ATG13: variants seen among roughly 807,000 people sequenced by gnomAD.
ATG13 encodes autophagy-related protein 13.
In ATG13, 23 loss-of-function variants were observed where a neutral mutation model predicts 65.5. That is an observed-to-expected ratio of 0.35 (90% CI 0.25 to 0.50). ATG13 has a LOEUF of 0.50. ATG13 is among the 20% of genes least tolerant of loss of function. ATG13 has a pLI of 0.98. For missense variants in ATG13, 566 were observed against 677.0 expected, an observed-to-expected ratio of 0.84 and a Z score of 1.82; for synonymous variants, 252 against 245.2, an observed-to-expected ratio of 1.03 and a Z score of -0.26.
chr11:46,669,242 G>A (rs1363018492), intron 17 of ATG13, among the ~76,000 whole-genome samples, 162 bp from the exon 18 acceptor site: 1 of 152,182 alleles, frequency 6.6e-6, no homozygotes, highest in East Asian at 1.9e-4. Flanking sequence ...ATTATCACCA[G>A]CATTAGAAGT....
At chr11:46,642,746 A>G (rs779533449) in intron 2 of ATG13, among the ~76,000 whole-genome samples, 36 of 152,320 alleles carry the variant, frequency 2.4e-4, no homozygotes, top group African/African-American at 7.5e-4. Flanking sequence ...CCGTAAAGCT[A>G]TCTTTCTAAA....
chr11:46,660,523 C>T (rs1250392406), intron 11 of ATG13, among the ~76,000 whole-genome samples: 1 of 151,668 alleles, frequency 6.6e-6, no homozygotes, highest in Non-Finnish European at 1.5e-5. Flanking sequence ...CATTCTCCTG[C>T]CTAGCCTCCC....
chr11:46,637,176 A>T (rs76470208), intron 2 of ATG13, among the ~76,000 whole-genome samples: 2,478 of 152,316 alleles, frequency 0.016, 161 homozygotes, highest in East Asian at 0.11. Flanking sequence ...TTTACCATAC[A>T]TAAGTGTGTT....
chr11:46,665,609 T>A, intron 14 of ATG13, 90 bp downstream of exon 14: 1 of 1,494,858 alleles, frequency 6.7e-7, no homozygotes, highest in Non-Finnish European at 9.0e-7. Context: ...TAGTAAAGAG[T>A]AACTTTCAGC....
intron 2 of ATG13, among the ~76,000 whole-genome samples, chr11:46,640,840 T>C (rs761650087): frequency 3.3e-5 from 5 of 152,186 alleles, no homozygotes; most frequent in Non-Finnish European, 7.3e-5. Context: ...GGTGTATAGA[T>C]TTATAGCAAC....
In ATG13 at chr11:46,617,681, G is replaced by C; in HGVS notation, c.-279G>C. 2.5e-6 allele frequency: 1 copy of C among 396,340 alleles called. No homozygotes were observed. Among genetic ancestry groups the C allele is most frequent in the Non-Finnish European group, 4.4e-6 (1 of 224,952 alleles). 24.6% of individuals were successfully genotyped at this position (396,340 alleles called of 1,614,324 possible). A position where few individuals can be genotyped will look rare whatever the true frequency, so the allele number is the denominator to read the frequency against. On this transcript the variant is annotated 5_prime_UTR_variant, in exon 1 of 19. Transcript: ENST00000683050. ...AGCACTGAAGAGCGCCAGTCGACGT[G>C]GGTGCGACAACTCGCGGAGTCTTAG...
At chr11:46,633,013 T>C (rs2052438011) in intron 2 of ATG13, among the ~76,000 whole-genome samples, 1 of 100,188 alleles carries the variant, frequency 1.0e-5, no homozygotes, top group Admixed American at 9.2e-5. Context: ...AATATATATA[T>C]ATATATATAT....
chr11:46,650,452 T>C (rs1401341455), intron 7 of ATG13, 135 bp downstream of exon 7: 5 of 1,238,982 alleles, frequency 4.0e-6, no homozygotes, highest in South Asian at 3.0e-5. Context: ...GTCGCTTTCA[T>C]GTGATCACTA....
chr11:46,629,082 AC>A (rs931219418), intron 1 of ATG13, among the ~76,000 whole-genome samples: 4 of 151,934 alleles, frequency 2.6e-5, no homozygotes, highest in Admixed American at 6.6e-5. Flanking sequence ...AGCTGGAACT[AC>A]AGATGTGCGC....
chr11:46,648,108 C>A (rs965924628), intron 5 of ATG13, among the ~76,000 whole-genome samples: 5 of 150,688 alleles, frequency 3.3e-5, no homozygotes, highest in Admixed American at 6.6e-5. Context: ...CCCCACCCCC[C>A]CCAGCACTTT....
intron 2 of ATG13, among the ~76,000 whole-genome samples, chr11:46,633,921 T>C (rs1022110885): frequency 6.6e-6 from 1 of 152,148 alleles, no homozygotes; most frequent in Non-Finnish European, 1.5e-5. Flanking sequence ...AGACCACAAA[T>C]AAATGAAAGC....
At chr11:46,618,979 G>A (rs1188581126) in intron 1 of ATG13, among the ~76,000 whole-genome samples, 4 of 152,056 alleles carry the variant, frequency 2.6e-5, no homozygotes, top group Admixed American at 6.6e-5. Flanking sequence ...CACAGAGTCC[G>A]GCCCAGGAGC....
chr11:46,669,282 T>C (rs1350533898), intron 17 of ATG13, 122 bp from the exon 18 acceptor site: 1 of 1,247,754 alleles, frequency 8.0e-7, no homozygotes, highest in Non-Finnish European at 1.1e-6. Context: ...AGTGTAAAGA[T>C]TTCTCTCCCT....
intron 1 of ATG13, among the ~76,000 whole-genome samples, chr11:46,622,466 A>G (rs2135641456): frequency 6.6e-6 from 1 of 152,302 alleles, no homozygotes; most frequent in East Asian, 1.9e-4. Context: ...TAAAAGTGAA[A>G]AAAATATAAA....
chr11:46,622,090 TA>T (rs1455200625), intron 1 of ATG13, among the ~76,000 whole-genome samples: 4 of 46,066 alleles, frequency 8.7e-5, no homozygotes, highest in African/African-American at 5.5e-4. Context: ...TATATATATA[TA>T]TATATATATA....
chr11:46,639,634 C>G (rs2055198684), intron 2 of ATG13, among the ~76,000 whole-genome samples: 1 of 152,074 alleles, frequency 6.6e-6, no homozygotes, highest in African/African-American at 2.4e-5. Context: ...AGGAGGAACC[C>G]TCAAATCCGC....
At chr11:46,643,412 CTA>C (rs1480088128) in intron 2 of ATG13, among the ~76,000 whole-genome samples, 1 of 152,120 alleles carries the variant, frequency 6.6e-6, no homozygotes, top group Non-Finnish European at 1.5e-5. Flanking sequence ...CTGCGGGAGT[CTA>C]TTTTATCTGC....
chr11:46,619,460 C>A (rs2046618253), intron 1 of ATG13, among the ~76,000 whole-genome samples: 1 of 145,366 alleles, frequency 6.9e-6, no homozygotes, highest in African/African-American at 2.6e-5. Flanking sequence ...ACTCGGCCCA[C>A]TGCAACCTCT....
intron 1 of ATG13, among the ~76,000 whole-genome samples, chr11:46,621,741 G>A (rs1249410793): frequency 6.6e-6 from 1 of 151,978 alleles, no homozygotes; most frequent in Non-Finnish European, 1.5e-5. Context: ...TGGCTGTTGG[G>A]CTTTATGCAG....
Sources: gnomAD v4.1 joint callset for allele counts (sites outside exome capture counted in the v4.1 genomes callset) on GRCh38, gnomAD v4.1.1 for gene constraint, MANE v1.5 for transcripts, NCBI Gene and HGNC (gene_info 2026-07-23, HGNC 2026-07-21) for gene names.